Variants in HTR2C observed in about 807,000 individuals in gnomAD.
The protein encoded by HTR2C is 5-hydroxytryptamine (serotonin) receptor 2C, G protein-coupled.
HTR2C carries 5 observed loss-of-function variants against 21.0 expected under a neutral mutation model. That is an observed-to-expected ratio of 0.24 (90% CI 0.12 to 0.50). The LOEUF (loss-of-function observed/expected upper bound fraction) is 0.50. Ranked by LOEUF, HTR2C falls within the 20% of genes least tolerant of loss-of-function variation. The pLI is 0.98. For missense variants in HTR2C, 271 were observed against 371.2 expected (o/e 0.73, Z 2.22); for synonymous variants, 150 against 145.3 (o/e 1.03, Z -0.23).
intron 2 of HTR2C, among the ~76,000 whole-genome samples, chrX:114,726,478 G>A (rs1434218436): frequency 8.9e-6 from 1 of 112,528 alleles, no homozygotes; most frequent in Non-Finnish European, 1.9e-5. Flanking sequence ...CCCTTCTTCT[G>A]CGTCGCTCAC....
rs5946003 is a variant in HTR2C at position 114,836,310 on chromosome X, T to A, written c.350-11693T>A. On this transcript the variant is annotated intron_variant, in intron 4 of 5. Coordinates refer to ENST00000276198, the MANE Select transcript of HTR2C (RefSeq NM_000868.4). ...GCGGGCGCCCCTCCCCCAGCCTCGC[T>A]GCCGCCTTGCAGTTTGATCTCAGAC... 5.6e-5 allele frequency among the ~76,000 whole-genome samples: 6 copies of A among 106,874 alleles called. 1 individual carries two copies. Among genetic ancestry groups the A allele is most frequent in the Admixed American group, 3.0e-4 (3 of 10,011 alleles). The allele number at this position is 106,874 out of a possible 115,157, so 92.8% of individuals were successfully genotyped here.
At position 114,694,434 on chromosome X, in the gene HTR2C, AATATATATATATATATATATATAT is replaced by A. The variant is rs782501990; in HGVS notation, c.-79-32388_-79-32365del. ...CTCTGTTCATTCTATTCCTCAACTA[AATATATATATATATATATATATAT>A]ATATATATATATATATATATATATA... On this transcript the variant is annotated intron_variant, in intron 2 of 5. Coordinates refer to ENST00000276198, the MANE Select transcript of HTR2C (RefSeq NM_000868.4). Among the ~76,000 whole-genome samples, 73 of 91,940 alleles carry A rather than the reference AATATATATATATATATATATATAT, an allele frequency of 7.9e-4. 2 individuals are homozygous for A. Among genetic ancestry groups the A allele is most frequent in the African/African-American group, 3.1e-3 (69 of 22,473 alleles). The allele number at this position is 91,940 out of a possible 115,157, so 79.8% of individuals were successfully genotyped here. A position where few individuals can be genotyped will look rare whatever the true frequency, so the allele number is the denominator to read the frequency against.
At chrX:114,687,495 A>C (rs1229630406) in intron 2 of HTR2C, among the ~76,000 whole-genome samples, 2 of 111,830 alleles carry the variant, frequency 1.8e-5, no homozygotes, top group Non-Finnish European at 3.8e-5. Flanking sequence ...TTATCAAAGA[A>C]CGGATAAATG....
chrX:114,667,478 A>T (rs782068195), intron 2 of HTR2C, among the ~76,000 whole-genome samples: 1 of 111,764 alleles, frequency 8.9e-6, no homozygotes, highest in Non-Finnish European at 1.9e-5. Flanking sequence ...TCAACTCAAC[A>T]CTCAAAGCTT....
chrX:114,687,592 CTTGT>C (rs1237870432), intron 2 of HTR2C, among the ~76,000 whole-genome samples: 9 of 111,714 alleles, frequency 8.1e-5, no homozygotes, highest in Admixed American at 5.7e-4. Context: ...TAACAGTTGA[CTTGT>C]TTGTCTAATT....
At chrX:114,648,688 A>G (rs781884104) in intron 2 of HTR2C, among the ~76,000 whole-genome samples, 1 of 111,943 alleles carries the variant, frequency 8.9e-6, no homozygotes, top group African/African-American at 3.2e-5. Flanking sequence ...TGATTGTGCC[A>G]CTGCGCTCCA....
chrX:114,732,845 A>G (rs1390282385), intron 4 of HTR2C, among the ~76,000 whole-genome samples: 2 of 111,816 alleles, frequency 1.8e-5, no homozygotes, highest in African/African-American at 6.5e-5. Context: ...TGATATTAGC[A>G]TAAATCCAAG....
chrX:114,904,754 T>C (rs782218553), intron 5 of HTR2C, among the ~76,000 whole-genome samples: 8 of 111,625 alleles, frequency 7.2e-5, no homozygotes, highest in Non-Finnish European at 1.1e-4. Flanking sequence ...AATCCGTCAC[T>C]AAAATATGTT....
intron 4 of HTR2C, among the ~76,000 whole-genome samples, chrX:114,780,756 T>C (rs1174857220): frequency 1.8e-5 from 2 of 111,905 alleles, no homozygotes; most frequent in Non-Finnish European, 3.8e-5. Flanking sequence ...AATGCAAATA[T>C]TCTCTGAAAA....
At chrX:114,761,171 T>C (rs1405747227) in intron 4 of HTR2C, among the ~76,000 whole-genome samples, 1 of 111,477 alleles carries the variant, frequency 9.0e-6, no homozygotes, top group East Asian at 2.8e-4. Context: ...AGTTTTTTGC[T>C]TATCTTTCTA....
intron 4 of HTR2C, among the ~76,000 whole-genome samples, chrX:114,841,843 TAATTC>T (rs781840800): frequency 8.9e-6 from 1 of 112,379 alleles, no homozygotes; most frequent in Non-Finnish European, 1.9e-5. Flanking sequence ...ATGGCAACAG[TAATTC>T]ATCTGGTAAC....
At chrX:114,824,783 A>C (rs1289384363) in intron 4 of HTR2C, among the ~76,000 whole-genome samples, 9 of 111,962 alleles carry the variant, frequency 8.0e-5, no homozygotes, top group Admixed American at 5.7e-4. Context: ...AGGGTTTGGG[A>C]TTTAGAGCAT....
At chrX:114,822,871 A>G (rs782402839) in intron 4 of HTR2C, among the ~76,000 whole-genome samples, 1 of 111,908 alleles carries the variant, frequency 8.9e-6, no homozygotes, top group East Asian at 2.8e-4. Flanking sequence ...TGCTAAGCTA[A>G]ATGAACAGGG....
chrX:114,607,529 G>C (rs1050484645), intron 1 of HTR2C, among the ~76,000 whole-genome samples: 14 of 111,834 alleles, frequency 1.3e-4, no homozygotes, highest in African/African-American at 4.6e-4. Context: ...ATTGATCTTT[G>C]AATGTATCTT....
At chrX:114,672,782 T>C (rs1411901904) in intron 2 of HTR2C, among the ~76,000 whole-genome samples, 1 of 112,490 alleles carries the variant, frequency 8.9e-6, no homozygotes, top group Non-Finnish European at 1.9e-5. Context: ...CATATTTACT[T>C]ATATGTTAAT....
chrX:114,623,906 G>GTTTTTTTT (rs35930521), intron 2 of HTR2C, among the ~76,000 whole-genome samples: 17 of 69,373 alleles, frequency 2.5e-4, no homozygotes, highest in East Asian at 5.1e-4. Context: ...TTTTGTTGTT[G>GTTTTTTTT]TTTTTTTTTT....
intron 4 of HTR2C, among the ~76,000 whole-genome samples, chrX:114,817,512 C>T (rs782245959): frequency 8.9e-6 from 1 of 111,953 alleles, no homozygotes; most frequent in South Asian, 3.7e-4. Flanking sequence ...TAAATGCTTG[C>T]AGCAACCCAG....
At chrX:114,730,153 C>T (rs1044752098) in intron 3 of HTR2C, among the ~76,000 whole-genome samples, 1 of 111,601 alleles carries the variant, frequency 9.0e-6, no homozygotes, top group Admixed American at 9.6e-5. Flanking sequence ...CTTTATTAGA[C>T]ATTTTAGGAG....
chrX:114,603,493 T>A (rs1317965690), intron 1 of HTR2C, among the ~76,000 whole-genome samples: 1 of 106,272 alleles, frequency 9.4e-6, no homozygotes, highest in Non-Finnish European at 1.9e-5. Flanking sequence ...ACTCGAACCA[T>A]GCCTAGGAAG....
Sources: allele counts gnomAD v4.1 joint callset (sites outside exome capture counted in the v4.1 genomes callset), GRCh38; gene constraint gnomAD v4.1.1; transcripts MANE v1.5; gene names NCBI Gene and HGNC (gene_info 2026-07-23, HGNC 2026-07-21).